UBXN2B: variants seen among roughly 807,000 people sequenced by gnomAD.
The protein encoded by UBXN2B is UBX domain-containing protein 2B.
A neutral mutation model predicts 37.5 loss-of-function variants in UBXN2B; 19 were observed. The observed-to-expected ratio is 0.51, with a 90% confidence interval of 0.35 to 0.74. UBXN2B has a LOEUF of 0.74. Ranked by LOEUF, UBXN2B falls within the 30% of genes least tolerant of loss-of-function variation. UBXN2B has a pLI of 0.01. For missense variants in UBXN2B, 370 were observed against 393.2 expected, an observed-to-expected ratio of 0.94 and a Z score of 0.50; for synonymous variants, 145 against 143.8, an observed-to-expected ratio of 1.01 and a Z score of -0.06.
At chr8:58,413,399 A>C (rs1807688223) in intron 1 of UBXN2B, 1 of 152,214 alleles carries the variant, frequency 6.6e-6, no homozygotes, top group East Asian at 1.9e-4. Flanking sequence ...AAAAGAATTA[A>C]ATAATGTTCT....
intron 7 of UBXN2B, among the ~76,000 whole-genome samples, chr8:58,447,120 C>T (rs1425186135): frequency 6.6e-6 from 1 of 151,988 alleles, no homozygotes; most frequent in Non-Finnish European, 1.5e-5. Flanking sequence ...TTTAAAATAA[C>T]AACATTAGTA....
intron 5 of UBXN2B, chr8:58,434,990 T>C (rs1200192878): frequency 6.5e-7 from 1 of 1,531,406 alleles, no homozygotes; most frequent in African/African-American, 1.4e-5. Context: ...ACTCAGATAT[T>C]CAGTGCTCTC....
At position 58,449,953 on chromosome 8, in the gene UBXN2B, C is replaced by T. The variant is rs573065796; in HGVS notation, c.*2402C>T. The stretch of plus-strand genomic sequence containing the variant: ...ACTCATTTAGATAGGAGGCTCCTCA[C>T]GTATCTTTCCTGGAAAATCCTGTCT... On this transcript the variant is annotated 3_prime_UTR_variant, in exon 8 of 8. Transcript: ENST00000399598. The T allele has an allele frequency of 1.3e-5, 2 of 152,326 alleles. No homozygotes were observed. Among genetic ancestry groups the T allele is most frequent in the East Asian group, 1.9e-4 (1 of 5,188 alleles). The allele number at this position is 152,326 out of a possible 1,614,324, so 9.4% of individuals were successfully genotyped here.
intron 2 of UBXN2B, among the ~76,000 whole-genome samples, chr8:58,420,414 C>A (rs1389743850): frequency 6.6e-6 from 1 of 152,114 alleles, no homozygotes; most frequent in Non-Finnish European, 1.5e-5. Flanking sequence ...AAGTGAATCT[C>A]TTGAAACACT....
Position 58,439,672 on chromosome 8 carries a change from C to A in UBXN2B, c.573C>A (p.Gly191=), listed in dbSNP as rs1808496416. 6.2e-7 allele frequency: 1 copy of A among 1,611,106 alleles called. No individual in the cohort carries two copies. Among genetic ancestry groups the A allele is most frequent in the Non-Finnish European group, 8.5e-7 (1 of 1,179,180 alleles). The change falls in exon 6 of 8, where the codon GGC becomes GGA. Residue 191 remains glycine (G), a synonymous_variant. Transcript: ENST00000399598. ...PLELQRLVHG[G]QVNLDMEDHQ... ...AGCTTCAGCGCCTTGTTCATGGTGGCCAAGTGAATTTGGATATGGAGGATC... is the reference window on the plus strand; with the variant it reads ...AGCTTCAGCGCCTTGTTCATGGTGGACAAGTGAATTTGGATATGGAGGATC...
At chr8:58,418,460 T>G (rs1005343872) in intron 2 of UBXN2B, among the ~76,000 whole-genome samples, 2 of 152,208 alleles carry the variant, frequency 1.3e-5, no homozygotes, top group Admixed American at 1.3e-4. Context: ...ATCTAAAATT[T>G]ATTATGTTGA....
intron 4 of UBXN2B, among the ~76,000 whole-genome samples, 163 bp downstream of exon 4, chr8:58,433,406 T>C (rs141917359): frequency 1.6e-3 from 244 of 152,312 alleles, no homozygotes; most frequent in African/African-American, 5.4e-3. Flanking sequence ...TCGATCTTTA[T>C]GTTTTGTATC....
At chr8:58,447,181 A>G (rs1396995424) in intron 7 of UBXN2B, among the ~76,000 whole-genome samples, 1 of 152,194 alleles carries the variant, frequency 6.6e-6, no homozygotes, top group Non-Finnish European at 1.5e-5. Context: ...TTTACAGGAA[A>G]AGTAAATGTT....
chr8:58,428,703 A>G (rs1808170246), intron 2 of UBXN2B, among the ~76,000 whole-genome samples: 1 of 152,240 alleles, frequency 6.6e-6, no homozygotes, highest in Non-Finnish European at 1.5e-5. Context: ...TGCCCCAAAC[A>G]TTCATGAAGA....
rs564623108 is a variant in UBXN2B, at chr8:58,432,573, G to A, written c.340-587G>A. On this transcript the variant is annotated intron_variant, in intron 3 of 7. Transcript: ENST00000399598. ...AATTTTTTGTATTTTTAGTAGAGAC[G>A]GGGTTTCACCATGTTAGCCAGGGTG... Among the ~76,000 whole-genome samples the A allele has an allele frequency of 2.5e-3, 373 of 151,670 alleles. 3 individuals are homozygous for A. The highest frequency in any genetic ancestry group is 8.5e-3 in the African/African-American group (352 of 41,356).
chr8:58,436,063 C>T (rs1002081027), intron 5 of UBXN2B, among the ~76,000 whole-genome samples: 5 of 152,086 alleles, frequency 3.3e-5, no homozygotes, highest in Non-Finnish European at 7.4e-5. Flanking sequence ...TATAAATGCC[C>T]TGGTATGACC....
chr8:58,441,820 G>C (rs1808557333), intron 6 of UBXN2B, among the ~76,000 whole-genome samples: 1 of 152,164 alleles, frequency 6.6e-6, no homozygotes, highest in African/African-American at 2.4e-5. Context: ...TAATTTACTA[G>C]CCATATTGAT....
intron 2 of UBXN2B, among the ~76,000 whole-genome samples, chr8:58,418,266 A>AAG (rs1402752132): frequency 2.1e-5 from 3 of 144,568 alleles, no homozygotes; most frequent in African/African-American, 7.6e-5. Flanking sequence ...AAAAAAAAAA[A>AAG]TTAATAGTAA....
intron 6 of UBXN2B, among the ~76,000 whole-genome samples, chr8:58,444,376 A>C (rs572229774): frequency 5.5e-4 from 84 of 152,368 alleles, no homozygotes; most frequent in Non-Finnish European, 1.1e-3. Flanking sequence ...GTTGGCTCTC[A>C]GGCACAATAA....
At chr8:58,434,372 T>G in intron 4 of UBXN2B, 23 bp from the exon 5 acceptor site, 1 of 676,186 alleles carries the variant, frequency 1.5e-6, no homozygotes, top group Non-Finnish European at 2.0e-6. Flanking sequence ...TATATATATT[T>G]TTTTTTTTTC....
chr8:58,423,727 G>A (rs1000754239), intron 2 of UBXN2B, among the ~76,000 whole-genome samples: 9 of 148,142 alleles, frequency 6.1e-5, no homozygotes, highest in East Asian at 2.0e-4. Context: ...GAGCCACCGC[G>A]CCCAGCCGGG....
Position 58,433,226 on chromosome 8 carries a change from G to A in UBXN2B, c.406G>A (p.Glu136Lys). ...FCKRSEYIYGENQLQDVQILL... is the reference protein window; with the variant it reads ...FCKRSEYIYGKNQLQDVQILL... ...TAAGCGGTCTGAATATATCTATGGA[G>A]AAAATCAGCTGCAAGATGTAGGTAC... Residue 136 changes from glutamate to lysine, a missense_variant, in exon 4 of 8, where the codon GAA becomes AAA. By Grantham distance (56) the Glu-to-Lys change is moderately conservative (BLOSUM62 1). Transcript: ENST00000399598. The A allele has an allele frequency of 6.2e-7, 1 of 1,610,248 alleles. No individual in the cohort carries two copies. Among genetic ancestry groups the A allele is most frequent in the Non-Finnish European group, 8.5e-7 (1 of 1,178,054 alleles).
intron 1 of UBXN2B, among the ~76,000 whole-genome samples, chr8:58,414,696 C>T (rs1807727140): frequency 6.6e-6 from 1 of 151,680 alleles, no homozygotes; most frequent in Non-Finnish European, 1.5e-5. Context: ...GAACTCATGC[C>T]ATATGATGCC....
intron 2 of UBXN2B, 138 bp downstream of exon 2, chr8:58,417,091 AT>A (rs1807805046): frequency 1.6e-6 from 1 of 637,864 alleles, no homozygotes; most frequent in African/African-American, 1.8e-5. Flanking sequence ...ATCGAGGCAG[AT>A]TTGGATAAAA....
Sources: allele counts gnomAD v4.1 joint callset (sites outside exome capture counted in the v4.1 genomes callset), GRCh38; gene constraint gnomAD v4.1.1; transcripts MANE v1.5; gene names NCBI Gene and HGNC (gene_info 2026-07-23, HGNC 2026-07-21).